Variants in PTER observed in about 807,000 individuals in gnomAD.
PTER encodes phosphotriesterase related.
Under a neutral mutation model 29.6 loss-of-function variants are expected in PTER, and 38 were observed. That is an observed-to-expected ratio of 1.28 (90% CI 0.99 to 1.68). The LOEUF (loss-of-function observed/expected upper bound fraction) is 1.68, where lower values mean the gene tolerates loss of function less well. Ranked by LOEUF, PTER falls within the 40% of genes most tolerant of loss-of-function variation. The pLI is 0.00. For missense variants in PTER, 482 were observed against 427.8 expected, an observed-to-expected ratio of 1.13 and a Z score of -1.12; for synonymous variants, 172 against 154.5, an observed-to-expected ratio of 1.11 and a Z score of -0.84.
At position 16,486,491 on chromosome 10, in the gene PTER, A is replaced by G; in HGVS notation, c.572A>G (p.Gln191Arg). The change falls in exon 3 of 5, where the codon CAG (glutamine) becomes CGG (arginine). Residue 191 changes from glutamine to arginine, a missense_variant. Gln to Arg is a conservative substitution (Grantham distance 43). Transcript: ENST00000535784. ...RKVLQATAHA[Q>R]AQLGCPVIIH... ...GTTCTCCAGGCCACAGCTCATGCCC[A>G]GGCTCAGCTTGGTTGTCCTGTTATT... 1 of 1,614,088 alleles carries G rather than the reference A, an allele frequency of 6.2e-7. No homozygotes were observed. The highest frequency in any genetic ancestry group is 1.3e-5 in the African/African-American group (1 of 75,050).
At position 16,463,732 on chromosome 10, in the gene PTER, G is replaced by T. The variant is rs146623869; in HGVS notation, c.-48-20605G>T. On this transcript the variant is annotated intron_variant, in intron 1 of 4. Coordinates refer to ENST00000535784, the MANE Select transcript of PTER (RefSeq NM_001261836.2). The stretch of plus-strand genomic sequence containing the variant: ...TGCCCGGCCAACGCATATTTTCTTT[G>T]GCCCACATTTTAGGTGTTTATTAAT... Among the ~76,000 whole-genome samples, 64 of 152,224 alleles carry T rather than the reference G, an allele frequency of 4.2e-4. No individual in the cohort carries two copies. In the East Asian group the frequency reaches 0.011, roughly 25 times the overall value.
intron 1 of PTER, 128 bp downstream of exon 1, chr10:16,437,175 A>G (rs1416247999): frequency 1.3e-5 from 2 of 152,186 alleles, no homozygotes; most frequent in East Asian, 3.9e-4. Context: ...GCCGGAAGGA[A>G]GGATTTTCTA....
Position 16,486,632 on chromosome 10 carries a change from T to C in PTER, c.698+15T>C. 6.3e-7 allele frequency: 1 copy of C among 1,593,220 alleles called. No homozygotes were observed. The highest frequency in any genetic ancestry group is 8.6e-7 in the Non-Finnish European group (1 of 1,168,574). ...CACCTGGATAGGTAAGTAGGCTGTC[T>C]TACAAATGGATGCAAACTGCCATAT... On this transcript the variant is annotated intron_variant, in intron 3 of 4. Transcript: ENST00000535784.
At chr10:16,509,715 C>T (rs1354511468) in intron 4 of PTER, among the ~76,000 whole-genome samples, 3 of 152,124 alleles carry the variant, frequency 2.0e-5, no homozygotes, top group Non-Finnish European at 4.4e-5. Flanking sequence ...CCAAAAGTAA[C>T]TGCAGATCAG....
At chr10:16,518,589 C>A (rs964449945), downstream of PTER, among the ~76,000 whole-genome samples, 4 of 152,206 alleles carry the variant, frequency 2.6e-5, no homozygotes, top group Non-Finnish European at 2.9e-5. Context: ...GTAATATACA[C>A]AGGCTCAGCA....
chr10:16,459,755 T>C (rs7899295), intron 1 of PTER, among the ~76,000 whole-genome samples: 41,029 of 150,428 alleles, frequency 0.27, 5,742 homozygotes, highest in Middle Eastern at 0.42. Flanking sequence ...TATTTATTTA[T>C]TTACTTATTT....
chr10:16,514,710 A>ACC, downstream of PTER: 1 of 1,604,536 alleles, frequency 6.2e-7, no homozygotes, highest in Non-Finnish European at 8.5e-7. Flanking sequence ...GCACGCACCT[A>ACC]TGTGAAACAG....
chr10:16,442,274 T>A (rs938613922), intron 1 of PTER, among the ~76,000 whole-genome samples: 1 of 152,246 alleles, frequency 6.6e-6, no homozygotes, highest in African/African-American at 2.4e-5. Context: ...CAAAGTTATC[T>A]CATGTTTATG....
At chr10:16,491,157 A>C (rs1835884877) in intron 3 of PTER, among the ~76,000 whole-genome samples, 1 of 152,172 alleles carries the variant, frequency 6.6e-6, no homozygotes, top group South Asian at 2.1e-4. Context: ...TTCTGAGACC[A>C]TCGCTAGAGC....
At position 16,484,724 on chromosome 10, in the gene PTER, G is replaced by A; in HGVS notation, c.340G>A (p.Ala114Thr). The A allele has an allele frequency of 1.9e-6, 3 of 1,614,120 alleles. No individual in the cohort carries two copies. The highest frequency in any genetic ancestry group is 2.5e-6 in the Non-Finnish European group (3 of 1,180,012). The change falls in exon 2 of 5, where the codon GCA (alanine) becomes ACA (threonine). Residue 114 changes from alanine (A) to threonine (T), a missense_variant. Transcript: ENST00000535784. ...AGACACACAGACGTTGAAGAGGCTT[G>A]CAGAAGAGACTGGCGTCCATATCAT... Reference protein sequence around the residue: ...SRDTQTLKRLAEETGVHIISG... With the variant: ...SRDTQTLKRLTEETGVHIISG...
At chr10:16,475,484 G>C (rs1303544059) in intron 1 of PTER, among the ~76,000 whole-genome samples, 1 of 152,144 alleles carries the variant, frequency 6.6e-6, no homozygotes, top group Non-Finnish European at 1.5e-5. Flanking sequence ...TTGCAACTCG[G>C]GGTTTTGCAA....
intron 1 of PTER, among the ~76,000 whole-genome samples, chr10:16,443,540 C>T (rs1172073773): frequency 6.6e-6 from 1 of 152,176 alleles, no homozygotes; most frequent in African/African-American, 2.4e-5. Flanking sequence ...GGAGAATCTC[C>T]TCAGTTCAGG....
chr10:16,489,184 G>A lies in PTER; in HGVS notation c.698+2567G>A, dbSNP rs150609954. ...CCTATTTACTACTTCTCTTTCCAACGGAATCAATCTGTCACTTAGCCAATA... is the reference window on the plus strand; with the variant it reads ...CCTATTTACTACTTCTCTTTCCAACAGAATCAATCTGTCACTTAGCCAATA... On this transcript the variant is annotated intron_variant, in intron 3 of 4. Transcript: ENST00000535784. Among the ~76,000 whole-genome samples the A allele has an allele frequency of 8.9e-4, 136 of 152,070 alleles. 1 individual carries two copies. Among genetic ancestry groups the A allele is most frequent in the South Asian group, 4.4e-3 (21 of 4,818 alleles).
At chr10:16,463,400 T>A (rs1294896128) in intron 1 of PTER, among the ~76,000 whole-genome samples, 1 of 152,066 alleles carries the variant, frequency 6.6e-6, no homozygotes, top group Non-Finnish European at 1.5e-5. Context: ...AAACAGGTGA[T>A]GCATATTTTC....
rs1174179292 is a variant in PTER at position 16,442,404 on chromosome 10, AT to A, written c.-49+5359del. 6.6e-5 allele frequency among the ~76,000 whole-genome samples: 10 copies of A among 152,226 alleles called. 1 individual carries two copies. The highest frequency in any genetic ancestry group is 6.5e-4 in the Admixed American group (10 of 15,274). ...TAAAGCCCGACCATGTAATTGAGAAATTGAAATAAAGATTTATTTGGTCAGA... is the reference window on the plus strand; with the variant it reads ...TAAAGCCCGACCATGTAATTGAGAAATGAAATAAAGATTTATTTGGTCAGA... On this transcript the variant is annotated intron_variant, in intron 1 of 4. Transcript: ENST00000535784.
intron 1 of PTER, among the ~76,000 whole-genome samples, chr10:16,452,305 T>G (rs1034787517): frequency 2.0e-5 from 3 of 151,254 alleles, no homozygotes; most frequent in Non-Finnish European, 4.4e-5. Flanking sequence ...TTTTTTGTTT[T>G]TTTTTTTTTG....
chr10:16,489,344 A>G (rs1835813786), intron 3 of PTER, among the ~76,000 whole-genome samples: 1 of 152,168 alleles, frequency 6.6e-6, no homozygotes, highest in South Asian at 2.1e-4. Context: ...CAACCTTTAA[A>G]AAAATATTAA....
rs376530733 is a variant in PTER at position 16,505,071 on chromosome 10, C to G, written c.750C>G (p.Tyr250Ter). The change falls in exon 4 of 5, where the codon TAC becomes TAG. Residue 250 changes from tyrosine (Y) to a stop codon, truncating the protein, a stop_gained. Coordinates refer to ENST00000535784, the MANE Select transcript of PTER (RefSeq NM_001261836.2). LOFTEE classifies it high-confidence loss of function. ...TGGAGTTTGCTCAACTTGGCTGCTA[C>G]TTGGAATATGATCTCTTTGGTACTG... ...ELLEFAQLGC[Y>*]LEYDLFGTEL... 3.0e-5 allele frequency: 48 copies of G among 1,614,002 alleles called. No individual in the cohort carries two copies. Among genetic ancestry groups the G allele is most frequent in the Non-Finnish European group, 4.0e-5 (47 of 1,179,924 alleles).
intron 1 of PTER, among the ~76,000 whole-genome samples, chr10:16,438,010 T>C (rs1400292569): frequency 1.3e-5 from 2 of 152,178 alleles, no homozygotes; most frequent in African/African-American, 4.8e-5. Context: ...AAGTTGGTTT[T>C]CTTTTGCTTT....
Sources: allele counts gnomAD v4.1 joint callset (sites outside exome capture counted in the v4.1 genomes callset), GRCh38; gene constraint gnomAD v4.1.1; transcripts MANE v1.5; gene names NCBI Gene and HGNC (gene_info 2026-07-23, HGNC 2026-07-21).